SLC9C1: variants seen among roughly 807,000 people sequenced by gnomAD.
SLC9C1 encodes sodium/hydrogen exchanger 10.
Under a neutral mutation model 140.9 loss-of-function variants are expected in SLC9C1, and 97 were observed. That is an observed-to-expected ratio of 0.69 (90% CI 0.58 to 0.82). The LOEUF is 0.82. Ranked by LOEUF, SLC9C1 falls within the 40% of genes least tolerant of loss-of-function variation. The pLI is 0.00. For missense variants in SLC9C1, 1,340 were observed against 1,389.3 expected, an observed-to-expected ratio of 0.96 and a Z score of 0.56; for synonymous variants, 440 against 442.6, an observed-to-expected ratio of 0.99 and a Z score of 0.07.
At chr3:112,262,467 A>G (rs1202987170) in intron 10 of SLC9C1, among the ~76,000 whole-genome samples, 1 of 151,748 alleles carries the variant, frequency 6.6e-6, no homozygotes, top group African/African-American at 2.4e-5. Flanking sequence ...TCTTGCCCAG[A>G]CACATGGTAG....
At position 112,244,063 on chromosome 3, in the gene SLC9C1, C is replaced by G. The variant is rs1333480004; in HGVS notation, c.1211G>C (p.Gly404Ala). ...AAGGGTTATTAGGCATACTAACACT[C>G]CATGAAATAATATCTAGAATTGAAA... ...DKEKSQILFH[G>A]VLVCLITLVV... Residue 404 changes from glycine to alanine, a missense_variant, in exon 11 of 29, where the codon GGA becomes GCA. Gly to Ala is a moderately conservative substitution (Grantham distance 60). Coordinates refer to ENST00000305815, the MANE Select transcript of SLC9C1 (RefSeq NM_183061.3). 1 of 1,595,504 alleles carries G rather than the reference C, an allele frequency of 6.3e-7. No homozygotes were observed. The highest frequency in any genetic ancestry group is 8.5e-7 in the Non-Finnish European group (1 of 1,170,244).
In SLC9C1 at chr3:112,179,723, G is replaced by T; in HGVS notation, c.2749-22C>A. ...CAAGCTGTTCAGGAACAAAGAAAGA[G>T]AAAAATACATATGCCAGTTAACTTG... On this transcript the variant is annotated intron_variant, in intron 22 of 28. Coordinates refer to ENST00000305815, the MANE Select transcript of SLC9C1 (RefSeq NM_183061.3). 3 of 1,554,216 alleles carry T rather than the reference G, an allele frequency of 1.9e-6. No individual in the cohort carries two copies. In the South Asian group the frequency reaches 3.9e-5, roughly 20 times the overall value.
At chr3:112,261,551 T>A (rs1437197892) in intron 10 of SLC9C1, among the ~76,000 whole-genome samples, 1 of 152,008 alleles carries the variant, frequency 6.6e-6, no homozygotes, top group Non-Finnish European at 1.5e-5. Context: ...ATGTTAGTAT[T>A]TTTAACCCTT....
intron 10 of SLC9C1, among the ~76,000 whole-genome samples, chr3:112,245,483 T>A (rs1340932255): frequency 6.6e-6 from 1 of 151,974 alleles, no homozygotes; most frequent in Non-Finnish European, 1.5e-5. Flanking sequence ...TTGAAAAAAA[T>A]ATTTTTTCTC....
At chr3:112,201,553 T>G (rs1457824297) in intron 18 of SLC9C1, among the ~76,000 whole-genome samples, 1 of 152,006 alleles carries the variant, frequency 6.6e-6, no homozygotes, top group Admixed American at 6.6e-5. Context: ...AAAGTAAATA[T>G]TGCATTCCAC....
chr3:112,160,853 C>T (rs918532250), intron 26 of SLC9C1, among the ~76,000 whole-genome samples: 1 of 151,960 alleles, frequency 6.6e-6, no homozygotes, highest in Non-Finnish European at 1.5e-5. Context: ...ACACTGACTT[C>T]CACAATGGTT....
intron 27 of SLC9C1, among the ~76,000 whole-genome samples, chr3:112,153,191 T>C (rs1276502427): frequency 6.6e-6 from 1 of 152,206 alleles, no homozygotes; most frequent in African/African-American, 2.4e-5. Context: ...CTAACATTCC[T>C]GTCATTTAAC....
chr3:112,213,285 G>T (rs1385384931), intron 15 of SLC9C1, among the ~76,000 whole-genome samples: 1 of 152,212 alleles, frequency 6.6e-6, no homozygotes. Flanking sequence ...ATGCTAGGAA[G>T]AAACTGCATC....
chr3:112,268,734 A>T (rs1167815840), intron 7 of SLC9C1, among the ~76,000 whole-genome samples: 1 of 152,126 alleles, frequency 6.6e-6, no homozygotes, highest in Non-Finnish European at 1.5e-5. Flanking sequence ...GTTCCCCCTT[A>T]TTGTATTAGC....
At chr3:112,268,495 ATATTT>A (rs1385475572) in intron 7 of SLC9C1, among the ~76,000 whole-genome samples, 8 of 152,094 alleles carry the variant, frequency 5.3e-5, no homozygotes, top group African/African-American at 1.4e-4. Flanking sequence ...TTATTCATTG[ATATTT>A]TATAACTTTT....
intron 7 of SLC9C1, among the ~76,000 whole-genome samples, chr3:112,268,627 G>C (rs1323758073): frequency 1.3e-5 from 2 of 152,098 alleles, no homozygotes; most frequent in African/African-American, 4.8e-5. Flanking sequence ...AAAGGGTCTT[G>C]CTGACTTTGT....
intron 14 of SLC9C1, among the ~76,000 whole-genome samples, 156 bp from the exon 15 acceptor site, chr3:112,217,717 G>A (rs9288940): frequency 0.76 from 114,956 of 152,046 alleles, 43,864 homozygotes; most frequent in East Asian, 0.99. Context: ...TTTCATGGGC[G>A]TGGTTCATGA....
At chr3:112,226,186 A>C (rs1437721001) in intron 13 of SLC9C1, among the ~76,000 whole-genome samples, 1 of 152,152 alleles carries the variant, frequency 6.6e-6, no homozygotes, top group African/African-American at 2.4e-5. Context: ...AAATCATATC[A>C]AGTATCTTTT....
intron 26 of SLC9C1, among the ~76,000 whole-genome samples, chr3:112,157,483 G>C (rs139574763): frequency 4.2e-4 from 64 of 152,122 alleles, no homozygotes; most frequent in Non-Finnish European, 2.2e-4. Context: ...TTTTGCTCAA[G>C]ACTGCTGTGG....
chr3:112,176,309 C>T (rs879876057), intron 23 of SLC9C1, among the ~76,000 whole-genome samples: 3 of 152,130 alleles, frequency 2.0e-5, no homozygotes, highest in African/African-American at 2.4e-5. Flanking sequence ...CTCCGTTCTC[C>T]GTGAATTGAG....
intron 12 of SLC9C1, among the ~76,000 whole-genome samples, chr3:112,236,110 T>A (rs1226952432): frequency 6.6e-6 from 1 of 152,188 alleles, no homozygotes; most frequent in Non-Finnish European, 1.5e-5. Context: ...GGACTTTTTT[T>A]GGTTGGTAAG....
At position 112,264,225 on chromosome 3, in the gene SLC9C1, T is replaced by C. The variant is rs754088532; in HGVS notation, c.997A>G (p.Ile333Val). ...CTTAAAACAATCAATGTTAAGTAGA[T>C]ATTTAATGAATAGTATATATCAACA... Reference protein sequence around the residue: ...EFVDIYYSLNIYLTLIVLRFL... With the variant: ...EFVDIYYSLNVYLTLIVLRFL... The change falls in exon 9 of 29, where the codon ATC (isoleucine) becomes GTC (valine). Residue 333 changes from isoleucine to valine, a missense_variant. Ile to Val is a conservative substitution (Grantham distance 29). Coordinates refer to ENST00000305815, the MANE Select transcript of SLC9C1 (RefSeq NM_183061.3). The C allele has an allele frequency of 8.0e-7, 1 of 1,253,630 alleles. No homozygotes were observed. The highest frequency in any genetic ancestry group is 2.1e-5 in the South Asian group (1 of 47,554). 77.7% of individuals were successfully genotyped at this position (1,253,630 alleles called of 1,614,324 possible). A position where few individuals can be genotyped will look rare whatever the true frequency, so the allele number is the denominator to read the frequency against.
chr3:112,245,530 T>C (rs1287321656), intron 10 of SLC9C1, among the ~76,000 whole-genome samples: 1 of 148,114 alleles, frequency 6.8e-6, no homozygotes, highest in Non-Finnish European at 1.5e-5. Context: ...CAAAAACCAA[T>C]TCACCATATA....
intron 26 of SLC9C1, 140 bp from the exon 27 acceptor site, chr3:112,155,189 TA>T (rs561792258): frequency 1.5e-4 from 94 of 612,446 alleles, no homozygotes; most frequent in South Asian, 5.9e-4. Flanking sequence ...CTCATTTGGT[TA>T]AAAAAAAGGG....
Sources: allele counts gnomAD v4.1 joint callset (sites outside exome capture counted in the v4.1 genomes callset), GRCh38; gene constraint gnomAD v4.1.1; transcripts MANE v1.5; gene names NCBI Gene and HGNC (gene_info 2026-07-23, HGNC 2026-07-21).